Variants in TASP1 observed in about 807,000 individuals in gnomAD.
TASP1 encodes threonine aspartase 1.
Under a neutral mutation model 56.6 loss-of-function variants are expected in TASP1, and 16 were observed. The observed-to-expected ratio is 0.28, with a 90% confidence interval of 0.19 to 0.43. The LOEUF is 0.43. Ranked by LOEUF, TASP1 falls within the 20% of genes least tolerant of loss-of-function variation. TASP1 has a pLI of 1.00. For synonymous variants in TASP1, 179 were observed against 184.2 expected (o/e 0.97, Z 0.23); for missense variants, 393 against 511.6 (o/e 0.77, Z 2.24).
In TASP1 at chr20:13,571,073, T is replaced by C. The variant is rs146078530; in HGVS notation, c.489-1487A>G. On this transcript the variant is annotated intron_variant, in intron 6 of 13. Transcript: ENST00000337743. ...GGGCATTTTACAAAATATTCTTAGCTTTATTTTATATATTTTTTAATCATT... is the reference window on the plus strand; with the variant it reads ...GGGCATTTTACAAAATATTCTTAGCCTTATTTTATATATTTTTTAATCATT... Among the ~76,000 whole-genome samples, 359 of 152,288 alleles carry C rather than the reference T, an allele frequency of 2.4e-3. 1 individual carries two copies. The highest frequency in any genetic ancestry group is 8.3e-3 in the African/African-American group (345 of 41,564).
intron 8 of TASP1, among the ~76,000 whole-genome samples, chr20:13,545,526 T>G (rs1175853357): frequency 6.6e-6 from 1 of 152,240 alleles, no homozygotes; most frequent in Non-Finnish European, 1.5e-5. Context: ...ATGGCCTATT[T>G]TACTTTGCTA....
intron 11 of TASP1, among the ~76,000 whole-genome samples, chr20:13,464,727 T>C (rs2044182845): frequency 6.6e-6 from 1 of 151,980 alleles, no homozygotes; most frequent in African/African-American, 2.4e-5. Flanking sequence ...AAAAGTAGAA[T>C]GATAGTTGCC....
chr20:13,555,564 C>CCTACCT (rs1274571507), intron 8 of TASP1, among the ~76,000 whole-genome samples: 2 of 152,020 alleles, frequency 1.3e-5, no homozygotes, highest in African/African-American at 4.8e-5. Context: ...ATCTTCAGGC[C>CCTACCT]CTACCTCTAA....
intron 11 of TASP1, among the ~76,000 whole-genome samples, chr20:13,452,646 G>A (rs141301370): frequency 3.9e-5 from 6 of 151,976 alleles, no homozygotes; most frequent in African/African-American, 1.2e-4. Context: ...CATAGTAGGT[G>A]ATCAACAAAT....
At chr20:13,345,772 G>A in the TASP1 span, among the ~76,000 whole-genome samples, 1 of 152,038 alleles carries the variant, frequency 6.6e-6, no homozygotes, top group Non-Finnish European at 1.5e-5. Flanking sequence ...CAAACCTACT[G>A]GGTTTTCCTA....
intron 11 of TASP1, among the ~76,000 whole-genome samples, chr20:13,482,255 T>G (rs6042159): frequency 6.6e-6 from 1 of 152,154 alleles, no homozygotes; most frequent in Non-Finnish European, 1.5e-5. Flanking sequence ...GGGTTCTATA[T>G]TCTGTTCCAT....
intron 11 of TASP1, among the ~76,000 whole-genome samples, chr20:13,441,174 A>G (rs2043199994): frequency 6.6e-6 from 1 of 152,016 alleles, no homozygotes; most frequent in Non-Finnish European, 1.5e-5. Context: ...AAGACCCTCA[A>G]TGTATTCTCA....
the TASP1 span, among the ~76,000 whole-genome samples, chr20:13,235,871 A>T: frequency 6.6e-6 from 1 of 152,172 alleles, no homozygotes; most frequent in Non-Finnish European, 1.5e-5. Flanking sequence ...CAAGAGAAAC[A>T]GAACATGCCT....
intron 4 of TASP1, among the ~76,000 whole-genome samples, chr20:13,590,419 C>T (rs1171774600): frequency 6.6e-6 from 1 of 151,942 alleles, no homozygotes. Flanking sequence ...AGAATAAATA[C>T]CAAATAATAA....
chr20:13,260,247 G>A, the TASP1 span, among the ~76,000 whole-genome samples: 1 of 152,198 alleles, frequency 6.6e-6, no homozygotes, highest in Non-Finnish European at 1.5e-5. Context: ...CAGTGTCGGG[G>A]GGTCCTGTTA....
chr20:13,484,429 T>A (rs2043248876), intron 10 of TASP1, among the ~76,000 whole-genome samples: 1 of 152,064 alleles, frequency 6.6e-6, no homozygotes, highest in African/African-American at 2.4e-5. Flanking sequence ...AATGACAGAC[T>A]GGATAAAGAA....
At chr20:13,507,547 A>G (rs2044176549) in intron 10 of TASP1, among the ~76,000 whole-genome samples, 2 of 152,178 alleles carry the variant, frequency 1.3e-5, no homozygotes, top group South Asian at 4.2e-4. Flanking sequence ...AAAAACAAAA[A>G]TAAAAGCTAT....
chr20:13,309,818 A>G, the TASP1 span, among the ~76,000 whole-genome samples: 142 of 151,692 alleles, frequency 9.4e-4, no homozygotes, highest in African/African-American at 3.4e-3. Context: ...TCCAAAAAAG[A>G]AATCAAGAAA....
intron 11 of TASP1, among the ~76,000 whole-genome samples, chr20:13,473,198 G>A (rs2044584996): frequency 6.6e-6 from 1 of 152,266 alleles, no homozygotes; most frequent in African/African-American, 2.4e-5. Context: ...TGACATGGAT[G>A]AAGCTGGAAA....
At chr20:13,499,066 G>A (rs2043845487) in intron 10 of TASP1, among the ~76,000 whole-genome samples, 1 of 152,020 alleles carries the variant, frequency 6.6e-6, no homozygotes, top group Non-Finnish European at 1.5e-5. Flanking sequence ...AATCAACCGA[G>A]GTGCATATTA....
chr20:13,543,093 C>T (rs1293017511), intron 8 of TASP1, among the ~76,000 whole-genome samples: 1 of 152,062 alleles, frequency 6.6e-6, no homozygotes, highest in Non-Finnish European at 1.5e-5. Flanking sequence ...TGTGTATCAC[C>T]TAAATCTCAG....
chr20:13,217,398 G>A, the TASP1 span, among the ~76,000 whole-genome samples: 6 of 152,142 alleles, frequency 3.9e-5, no homozygotes, highest in South Asian at 2.1e-4. Flanking sequence ...TCTTTGCTAT[G>A]TTGTACCACT....
chr20:13,325,684 T>A, the TASP1 span, among the ~76,000 whole-genome samples: 1 of 152,216 alleles, frequency 6.6e-6, no homozygotes, highest in Non-Finnish European at 1.5e-5. Context: ...ATCAAAACTG[T>A]GACATGTGGG....
chr20:13,453,049 C>CTAA (rs1215472647), intron 11 of TASP1, among the ~76,000 whole-genome samples: 3 of 151,920 alleles, frequency 2.0e-5, no homozygotes, highest in African/African-American at 7.3e-5. Flanking sequence ...AATCAAGGAA[C>CTAA]TAATGATTAA....
Sources: allele counts gnomAD v4.1 joint callset (sites outside exome capture counted in the v4.1 genomes callset), GRCh38; gene constraint gnomAD v4.1.1; transcripts MANE v1.5; gene names NCBI Gene and HGNC (gene_info 2026-07-23, HGNC 2026-07-21).